The following SLC39A11 variants were observed in gnomAD, a reference collection of about 807,000 sequenced individuals.
SLC39A11 encodes the protein zinc transporter ZIP11.
In SLC39A11, 33 loss-of-function variants were observed where a neutral mutation model predicts 36.1. The ratio of observed to expected loss-of-function variants is 0.91; its 90% confidence interval spans 0.69 to 1.22. The LOEUF is 1.22. SLC39A11 is among the 50% of genes most tolerant of loss of function. The probability of loss-of-function intolerance (pLI) is 0.00; values close to 1 mark genes in which losing one functional copy is unlikely to be tolerated. For synonymous variants in SLC39A11, 166 were observed against 170.3 expected (o/e 0.97, Z 0.20); for missense variants, 432 against 430.3 (o/e 1.00, Z -0.03).
chr17:72,888,581 G>A (rs16977420), intron 5 of SLC39A11, among the ~76,000 whole-genome samples: 45,114 of 152,056 alleles, frequency 0.3, 7,307 homozygotes, highest in East Asian at 0.69. Flanking sequence ...TTGCCTACTC[G>A]ATCAGCTCTA....
At chr17:72,799,729 G>A (rs985726172) in intron 6 of SLC39A11, among the ~76,000 whole-genome samples, 7 of 151,670 alleles carry the variant, frequency 4.6e-5, no homozygotes, top group Non-Finnish European at 1.0e-4. Context: ...CTCTGCTCTC[G>A]AACCCTGTTT....
intron 4 of SLC39A11, among the ~76,000 whole-genome samples, chr17:72,958,219 G>C (rs1349617311): frequency 6.6e-6 from 1 of 152,190 alleles, no homozygotes; most frequent in African/African-American, 2.4e-5. Context: ...ATCAACTCAA[G>C]ATGGACTAAG....
At chr17:72,910,328 A>T (rs1003944938) in intron 5 of SLC39A11, among the ~76,000 whole-genome samples, 13 of 152,112 alleles carry the variant, frequency 8.5e-5, no homozygotes, top group Admixed American at 2.0e-4. Context: ...TTATTTTTTT[A>T]AAAAAGTAAA....
intron 4 of SLC39A11, among the ~76,000 whole-genome samples, chr17:72,949,254 G>A (rs1193493805): frequency 4.4e-5 from 6 of 135,794 alleles, no homozygotes; most frequent in African/African-American, 1.1e-4. Flanking sequence ...CTGCCCCACC[G>A]TGTTCAAGCA....
At chr17:73,010,930 C>T (rs770648408) in intron 4 of SLC39A11, among the ~76,000 whole-genome samples, 32 of 152,246 alleles carry the variant, frequency 2.1e-4, no homozygotes, top group Non-Finnish European at 4.4e-4. Flanking sequence ...CTCCTCTGAT[C>T]TTCACAACCT....
At chr17:73,020,298 G>T (rs1377396228) in intron 4 of SLC39A11, among the ~76,000 whole-genome samples, 4 of 152,170 alleles carry the variant, frequency 2.6e-5, no homozygotes. Flanking sequence ...CCTCATAATA[G>T]GATTAGTGTC....
chr17:72,871,119 T>C (rs1427827492), intron 5 of SLC39A11, among the ~76,000 whole-genome samples: 1 of 149,510 alleles, frequency 6.7e-6, no homozygotes, highest in African/African-American at 2.5e-5. Context: ...TGGAGTGCAG[T>C]GGTGCAATCC....
intron 7 of SLC39A11, among the ~76,000 whole-genome samples, chr17:72,701,304 C>T (rs555789031): frequency 6.6e-6 from 1 of 152,306 alleles, no homozygotes; most frequent in South Asian, 2.1e-4. Context: ...AAAACTAGCT[C>T]CGCTCTCCAC....
chr17:72,864,520 T>C (rs2080203484), intron 5 of SLC39A11, among the ~76,000 whole-genome samples: 2 of 152,130 alleles, frequency 1.3e-5, no homozygotes, highest in South Asian at 4.2e-4. Flanking sequence ...CCCCTGTTAC[T>C]GCAGTCGTGA....
intron 4 of SLC39A11, among the ~76,000 whole-genome samples, chr17:73,001,569 TA>T (rs200730056): frequency 0.07 from 10,419 of 148,156 alleles, 489 homozygotes; most frequent in East Asian, 0.26. Context: ...ATAATAATAA[TA>T]AAAAAAAAGA....
intron 7 of SLC39A11, among the ~76,000 whole-genome samples, chr17:72,727,946 C>T (rs1179701884): frequency 6.6e-6 from 1 of 152,214 alleles, no homozygotes; most frequent in Non-Finnish European, 1.5e-5. Context: ...GAAGTGGGAA[C>T]TGAAGACAGT....
intron 6 of SLC39A11, chr17:72,821,712 G>C (rs1271830166): frequency 6.6e-6 from 1 of 151,254 alleles, no homozygotes; most frequent in East Asian, 1.9e-4. Context: ...GACAGTCCTG[G>C]TGATGTTTTC....
intron 5 of SLC39A11, among the ~76,000 whole-genome samples, chr17:72,908,002 TG>T (rs897262060): frequency 6.6e-6 from 1 of 152,196 alleles, no homozygotes; most frequent in African/African-American, 2.4e-5. Context: ...ATTTACAGCT[TG>T]GCTCTTGTCT....
At chr17:72,665,649 AG>A (rs1234598515) in intron 7 of SLC39A11, among the ~76,000 whole-genome samples, 1 of 151,930 alleles carries the variant, frequency 6.6e-6, no homozygotes, top group Non-Finnish European at 1.5e-5. Context: ...CAGCTCCCAA[AG>A]TGTTGGGATT....
chr17:72,949,950 GACACACACACACAC>G lies in SLC39A11; in HGVS notation c.307-2089_307-2076del, dbSNP rs67207508. Among the ~76,000 whole-genome samples the G allele has an allele frequency of 6.8e-3, 995 of 146,206 alleles. 7 individuals carry two copies. Among genetic ancestry groups the G allele is most frequent in the African/African-American group, 0.015 (600 of 39,268 alleles). ...CACAAAAGGGATACCAGGCTGCTGT[GACACACACACACAC>G]ACACACACACACACACACACACACA... On this transcript the variant is annotated intron_variant, in intron 4 of 9. Transcript: ENST00000255559.
chr17:72,975,352 T>A (rs2087767279), intron 4 of SLC39A11, among the ~76,000 whole-genome samples: 1 of 152,114 alleles, frequency 6.6e-6, no homozygotes. Flanking sequence ...GCCAGAAGAA[T>A]CACTTGAACC....
intron 4 of SLC39A11, among the ~76,000 whole-genome samples, chr17:73,020,820 C>T (rs1369194821): frequency 2.0e-5 from 3 of 150,798 alleles, no homozygotes; most frequent in African/African-American, 7.3e-5. Flanking sequence ...GTAGCTGGGG[C>T]TACAGGCGCG....
intron 5 of SLC39A11, among the ~76,000 whole-genome samples, chr17:72,859,784 C>T (rs986139980): frequency 3.6e-5 from 5 of 140,332 alleles, no homozygotes; most frequent in South Asian, 2.5e-4. Flanking sequence ...GTCAGGAGAT[C>T]GAGACCATCC....
chr17:72,748,809 A>T (rs1397329867), intron 6 of SLC39A11, among the ~76,000 whole-genome samples: 1 of 152,146 alleles, frequency 6.6e-6, no homozygotes, highest in Admixed American at 6.5e-5. Flanking sequence ...TCATGCCCAG[A>T]TGCATGCCTC....
Sources: allele counts gnomAD v4.1 joint callset (sites outside exome capture counted in the v4.1 genomes callset), GRCh38; gene constraint gnomAD v4.1.1; transcripts MANE v1.5; gene names NCBI Gene and HGNC (gene_info 2026-07-23, HGNC 2026-07-21).